The following BTBD9 variants were observed in gnomAD, a reference collection of about 807,000 sequenced individuals.
BTBD9 encodes BTB/POZ domain-containing protein 9.
In BTBD9, 49 loss-of-function variants were observed where a neutral mutation model predicts 64.3. The observed-to-expected ratio is 0.76, with a 90% CI of 0.61 to 0.97. The LOEUF (loss-of-function observed/expected upper bound fraction) is 0.97. Among genes scored for constraint, BTBD9 ranks in the 50% least tolerant of loss-of-function variants. The pLI, the probability that BTBD9 is intolerant of heterozygous loss-of-function variation, is 0.00. For missense variants in BTBD9, 598 were observed against 762.1 expected, an observed-to-expected ratio of 0.78 and a Z score of 2.53; for synonymous variants, 260 against 274.7, an observed-to-expected ratio of 0.95 and a Z score of 0.53.
chr6:38,430,112 G>A (rs1768372793), intron 6 of BTBD9, among the ~76,000 whole-genome samples: 1 of 151,986 alleles, frequency 6.6e-6, no homozygotes, highest in Non-Finnish European at 1.5e-5. Flanking sequence ...TTATAATTCT[G>A]TTTTGTCACT....
chr6:38,399,830 C>T (rs1306241862), intron 6 of BTBD9, among the ~76,000 whole-genome samples: 1 of 152,252 alleles, frequency 6.6e-6, no homozygotes, highest in East Asian at 1.9e-4. Flanking sequence ...CAGCTCACCA[C>T]AACCTCCGCC....
At chr6:38,637,026 G>A (rs939111618) in intron 1 of BTBD9, among the ~76,000 whole-genome samples, 52 of 152,140 alleles carry the variant, frequency 3.4e-4, no homozygotes, top group African/African-American at 1.2e-3. Context: ...CCCCTGGAAT[G>A]CTCTCTTCCA....
chr6:38,365,412 C>T (rs1021402805), intron 6 of BTBD9, among the ~76,000 whole-genome samples: 5 of 152,042 alleles, frequency 3.3e-5, no homozygotes, highest in African/African-American at 7.3e-5. Context: ...TTGCTGGTAC[C>T]ATCCATACCA....
At chr6:38,332,534 T>C (rs1020509686) in intron 7 of BTBD9, among the ~76,000 whole-genome samples, 19 of 152,224 alleles carry the variant, frequency 1.2e-4, no homozygotes, top group African/African-American at 4.3e-4. Flanking sequence ...TAATGCCACA[T>C]TACTATGCAG....
chr6:38,452,926 C>T (rs556183490), intron 6 of BTBD9, among the ~76,000 whole-genome samples: 2 of 152,246 alleles, frequency 1.3e-5, no homozygotes, highest in South Asian at 4.1e-4. Context: ...AAACACAGAT[C>T]TCTGACTGGA....
intron 7 of BTBD9, among the ~76,000 whole-genome samples, chr6:38,325,704 AAAAC>A (rs1320963218): frequency 6.6e-6 from 1 of 152,210 alleles, no homozygotes; most frequent in Non-Finnish European, 1.5e-5. Context: ...AAAACAAAAC[AAAAC>A]AAACAAACAA....
chr6:38,552,762 A>G (rs1774866918), intron 6 of BTBD9, among the ~76,000 whole-genome samples: 1 of 152,058 alleles, frequency 6.6e-6, no homozygotes, highest in African/African-American at 2.4e-5. Flanking sequence ...AAGAAAAAAA[A>G]AAAAAAGAAA....
At chr6:38,522,338 C>T (rs1038899869) in intron 6 of BTBD9, among the ~76,000 whole-genome samples, 1 of 144,692 alleles carries the variant, frequency 6.9e-6, no homozygotes, top group Admixed American at 7.0e-5. Context: ...TTCTTCCTTT[C>T]ACATTTATAC....
At chr6:38,459,029 AT>A (rs1034243039) in intron 6 of BTBD9, among the ~76,000 whole-genome samples, 51 of 151,900 alleles carry the variant, frequency 3.4e-4, no homozygotes, top group African/African-American at 1.2e-3. Context: ...ATTTATTTTT[AT>A]TTTTTGGAGA....
intron 6 of BTBD9, among the ~76,000 whole-genome samples, chr6:38,519,646 C>T (rs1330373587): frequency 6.6e-6 from 1 of 152,208 alleles, no homozygotes; most frequent in Admixed American, 6.5e-5. Flanking sequence ...TGAGCAATAG[C>T]TCAGGAGCTC....
intron 6 of BTBD9, among the ~76,000 whole-genome samples, chr6:38,430,142 T>C (rs1267253002): frequency 3.3e-5 from 5 of 152,050 alleles, no homozygotes; most frequent in African/African-American, 2.4e-5. Flanking sequence ...TAACATCAGA[T>C]GATTTTTCCT....
intron 9 of BTBD9, among the ~76,000 whole-genome samples, chr6:38,204,637 G>A (rs1359878926): frequency 6.6e-6 from 1 of 152,140 alleles, no homozygotes; most frequent in Non-Finnish European, 1.5e-5. Flanking sequence ...GGTGATGGAT[G>A]CAAACTCTGT....
chr6:38,520,153 G>A (rs1013217879), intron 6 of BTBD9, among the ~76,000 whole-genome samples: 1 of 151,864 alleles, frequency 6.6e-6, no homozygotes, highest in Non-Finnish European at 1.5e-5. Context: ...AAAATCACAT[G>A]AAAATACACA....
chr6:38,355,286 C>A lies in BTBD9; in HGVS notation c.1155-10193G>T, dbSNP rs148656586. On this transcript the variant is annotated intron_variant, in intron 6 of 10. Transcript: ENST00000481247. ...CAGTCTACCCAATCATTTAAAAAGACATTTCCCCAGATGTACACTTTATGT... is the reference window on the plus strand; with the variant it reads ...CAGTCTACCCAATCATTTAAAAAGAAATTTCCCCAGATGTACACTTTATGT... 1.3e-4 allele frequency among the ~76,000 whole-genome samples: 20 copies of A among 152,306 alleles called. 1 individual carries two copies. Among genetic ancestry groups the A allele is most frequent in the African/African-American group, 4.8e-4 (20 of 41,574 alleles).
intron 9 of BTBD9, among the ~76,000 whole-genome samples, chr6:38,208,107 C>G (rs1056374308): frequency 6.6e-6 from 1 of 152,120 alleles, no homozygotes; most frequent in Non-Finnish European, 1.5e-5. Flanking sequence ...GGCTGGAAGG[C>G]AGGCATGAAC....
At chr6:38,609,079 GTGTA>G (rs1414761882) in intron 1 of BTBD9, among the ~76,000 whole-genome samples, 9 of 152,296 alleles carry the variant, frequency 5.9e-5, no homozygotes, top group African/African-American at 1.7e-4. Context: ...AATCTACAGT[GTGTA>G]TGTAAGAATA....
intron 8 of BTBD9, among the ~76,000 whole-genome samples, chr6:38,266,708 T>G (rs556552814): frequency 8.5e-5 from 13 of 152,206 alleles, no homozygotes; most frequent in African/African-American, 3.1e-4. Flanking sequence ...CATTTTATGC[T>G]TTCAATGTGG....
At chr6:38,507,461 T>C (rs927722550) in intron 6 of BTBD9, among the ~76,000 whole-genome samples, 1 of 152,216 alleles carries the variant, frequency 6.6e-6, no homozygotes, top group Admixed American at 6.5e-5. Context: ...TGCCTATTCA[T>C]GATTATTTTA....
chr6:38,512,945 G>T (rs1772839145), intron 6 of BTBD9, among the ~76,000 whole-genome samples: 1 of 152,152 alleles, frequency 6.6e-6, no homozygotes, highest in Admixed American at 6.5e-5. Flanking sequence ...GTTAACAAAA[G>T]TATAATAAGA....
Sources: allele counts gnomAD v4.1 joint callset (sites outside exome capture counted in the v4.1 genomes callset), GRCh38; gene constraint gnomAD v4.1.1; transcripts MANE v1.5; gene names NCBI Gene and HGNC (gene_info 2026-07-23, HGNC 2026-07-21).